CACHD1: variants seen among roughly 807,000 people sequenced by gnomAD.
CACHD1 encodes the protein VWFA and cache domain-containing protein 1.
CACHD1 carries 71 observed loss-of-function variants against 138.7 expected under a neutral mutation model. The observed-to-expected ratio is 0.51, with a 90% CI of 0.42 to 0.62. The LOEUF (loss-of-function observed/expected upper bound fraction) is 0.62, where lower values mean the gene tolerates loss of function less well. Ranked by LOEUF, CACHD1 falls within the 20% of genes least tolerant of loss-of-function variation. The pLI, the probability that CACHD1 is intolerant of heterozygous loss-of-function variation, is 0.00. For missense variants in CACHD1, 1,389 were observed against 1,625.3 expected, an observed-to-expected ratio of 0.85 and a Z score of 2.50; for synonymous variants, 578 against 591.5, an observed-to-expected ratio of 0.98 and a Z score of 0.33.
intron 2 of CACHD1, among the ~76,000 whole-genome samples, chr1:64,572,295 G>A (rs559249860): frequency 5.9e-5 from 9 of 152,234 alleles, no homozygotes; most frequent in South Asian, 4.2e-4. Flanking sequence ...AGGAATAGAC[G>A]GTAAACTTTC....
rs1157328079 is a variant in CACHD1, at chr1:64,652,175, G to A, written c.1405G>A (p.Val469Met). The stretch of plus-strand genomic sequence containing the variant: ...TTAACCCATAGGTTTGATAATGACT[G>A]TGAGTAAACCCTGTTATTTTGGAAA... ...DEMGDGLIMT[V>M]SKPCYFGNLL... is the part of the protein sequence containing the mutation. The change falls in exon 10 of 27, where the codon GTG (valine) becomes ATG (methionine). Residue 469 changes from valine to methionine, a missense_variant. Around this residue, in one of 5 missense-constraint regions of CACHD1, gnomAD observed 1,000 missense variants for 1,114.7 expected, o/e 0.90. Transcript: ENST00000651257. 1 of 1,607,730 alleles carries A rather than the reference G, an allele frequency of 6.2e-7. No individual in the cohort carries two copies. The highest frequency in any genetic ancestry group is 2.2e-5 in the East Asian group (1 of 44,752).
At chr1:64,562,800 A>T (rs1646852328) in intron 2 of CACHD1, among the ~76,000 whole-genome samples, 1 of 152,134 alleles carries the variant, frequency 6.6e-6, no homozygotes, top group African/African-American at 2.4e-5. Context: ...TGCATTCTTG[A>T]GCATAGTTAT....
intron 2 of CACHD1, among the ~76,000 whole-genome samples, chr1:64,551,558 A>G (rs1391239714): frequency 6.6e-6 from 1 of 152,226 alleles, no homozygotes; most frequent in African/African-American, 2.4e-5. Context: ...CTTCCACAGA[A>G]TAGAAAGATA....
intron 2 of CACHD1, among the ~76,000 whole-genome samples, chr1:64,576,948 T>C (rs1395571552): frequency 6.6e-6 from 1 of 151,446 alleles, no homozygotes; most frequent in African/African-American, 2.4e-5. Flanking sequence ...TTTGATCATA[T>C]CCCCACCTCT....
At chr1:64,633,067 C>T (rs1648371186) in intron 6 of CACHD1, among the ~76,000 whole-genome samples, 4 of 152,190 alleles carry the variant, frequency 2.6e-5, no homozygotes, top group Non-Finnish European at 4.4e-5. Flanking sequence ...ACTATATCAG[C>T]GGTTCTCCTT....
intron 7 of CACHD1, among the ~76,000 whole-genome samples, chr1:64,638,157 A>G (rs1287225061): frequency 2.0e-5 from 3 of 152,196 alleles, no homozygotes; most frequent in Non-Finnish European, 4.4e-5. Flanking sequence ...GCCAAGGCCT[A>G]GGCAACAGTG....
intron 4 of CACHD1, among the ~76,000 whole-genome samples, chr1:64,607,945 C>G (rs1186093991): frequency 2.0e-5 from 3 of 152,224 alleles, no homozygotes; most frequent in South Asian, 2.1e-4. Context: ...ATAATCCCAA[C>G]AAAATGCTGA....
intron 2 of CACHD1, among the ~76,000 whole-genome samples, chr1:64,567,932 GC>G (rs1230042964): frequency 6.6e-6 from 1 of 152,012 alleles, no homozygotes; most frequent in Non-Finnish European, 1.5e-5. Context: ...TTAGCGACGA[GC>G]TTTTAGCTCT....
At chr1:64,496,994 T>G (rs1646310116) in intron 1 of CACHD1, among the ~76,000 whole-genome samples, 1 of 151,498 alleles carries the variant, frequency 6.6e-6, no homozygotes, top group South Asian at 2.1e-4. Context: ...ACCCGAGGGG[T>G]CTTCAGATTT....
At chr1:64,586,210 C>A (rs1035777601) in intron 3 of CACHD1, among the ~76,000 whole-genome samples, 1 of 152,120 alleles carries the variant, frequency 6.6e-6, no homozygotes, top group Admixed American at 6.5e-5. Flanking sequence ...ACTACAGGGG[C>A]GTGCCACCAC....
chr1:64,598,443 T>C (rs530352039), intron 3 of CACHD1, among the ~76,000 whole-genome samples: 1 of 152,342 alleles, frequency 6.6e-6, no homozygotes, highest in East Asian at 1.9e-4. Context: ...TGAAATAAAA[T>C]GCCCAGAGCT....
intron 8 of CACHD1, among the ~76,000 whole-genome samples, chr1:64,643,035 C>CT (rs1557535510): frequency 9.6e-5 from 4 of 41,486 alleles, no homozygotes; most frequent in Non-Finnish European, 1.5e-4. Context: ...AAGACTCTGT[C>CT]TAAAAAAAAA....
chr1:64,659,042 T>C (rs1649356445), intron 13 of CACHD1, among the ~76,000 whole-genome samples, 169 bp downstream of exon 13: 1 of 152,078 alleles, frequency 6.6e-6, no homozygotes, highest in Admixed American at 6.5e-5. Context: ...TCAAATCAGA[T>C]CGTCTAGCAG....
At chr1:64,666,264 G>A in intron 16 of CACHD1, 97 bp downstream of exon 16, 1 of 675,786 alleles carries the variant, frequency 1.5e-6, no homozygotes, top group Non-Finnish European at 2.5e-6. Context: ...CTTAGAGGCA[G>A]AAGCATGACC....
intron 1 of CACHD1, among the ~76,000 whole-genome samples, chr1:64,535,062 C>G (rs1646620736): frequency 6.6e-6 from 1 of 152,176 alleles, no homozygotes; most frequent in Admixed American, 6.5e-5. Flanking sequence ...ATCAAAGTGC[C>G]CGTTCCTTCT....
chr1:64,615,237 G>T (rs1225539837), intron 4 of CACHD1, among the ~76,000 whole-genome samples: 2 of 152,144 alleles, frequency 1.3e-5, no homozygotes, highest in Non-Finnish European at 2.9e-5. Flanking sequence ...TTTCTTGTTT[G>T]TTGTAACAGG....
intron 4 of CACHD1, among the ~76,000 whole-genome samples, chr1:64,628,001 A>G (rs377025470): frequency 3.1e-4 from 47 of 152,342 alleles, no homozygotes; most frequent in African/African-American, 1.1e-3. Context: ...TGTCAGTGTT[A>G]TAAAGGGCCA....
At chr1:64,488,256 A>G (rs1398746494) in intron 1 of CACHD1, among the ~76,000 whole-genome samples, 1 of 152,232 alleles carries the variant, frequency 6.6e-6, no homozygotes, top group East Asian at 1.9e-4. Flanking sequence ...TGTACAGAGA[A>G]TCTCATTATG....
At chr1:64,556,737 GT>G (rs1295655519) in intron 2 of CACHD1, among the ~76,000 whole-genome samples, 1 of 152,190 alleles carries the variant, frequency 6.6e-6, no homozygotes, top group Non-Finnish European at 1.5e-5. Context: ...CTAACAATGT[GT>G]TTTAAATCCT....
Sources: allele counts gnomAD v4.1 joint callset (sites outside exome capture counted in the v4.1 genomes callset), GRCh38; gene constraint gnomAD v4.1.1; regional missense constraint gnomAD v4.1.1; transcripts MANE v1.5; gene names NCBI Gene and HGNC (gene_info 2026-07-23, HGNC 2026-07-21).